SYN3: variants seen among roughly 807,000 people sequenced by gnomAD.
SYN3 encodes synapsin III, also known as synapsin-3.
A neutral mutation model predicts 65.8 loss-of-function variants in SYN3; 35 were observed. That is an observed-to-expected ratio of 0.53 (90% CI 0.41 to 0.70). SYN3 has a LOEUF of 0.70. Among genes scored for constraint, SYN3 ranks in the 30% least tolerant of loss-of-function variants. The pLI, the probability that SYN3 is intolerant of heterozygous loss-of-function variation, is 0.00. For synonymous variants in SYN3, 270 were observed against 292.9 expected (o/e 0.92, Z 0.80); for missense variants, 680 against 749.0 (o/e 0.91, Z 1.08).
At chr22:32,798,178 G>A (rs2046473795) in intron 6 of SYN3, among the ~76,000 whole-genome samples, 1 of 152,186 alleles carries the variant, frequency 6.6e-6, no homozygotes, top group Non-Finnish European at 1.5e-5. Flanking sequence ...GATTGGCTCA[G>A]AGGGTGATTA....
In SYN3 at chr22:32,948,845, TTTTTTCATTAAATG is replaced by T. The variant is rs530534260; in HGVS notation, c.370-17378_370-17365del. On this transcript the variant is annotated intron_variant, in intron 3 of 13. Coordinates refer to ENST00000358763, the MANE Select transcript of SYN3 (RefSeq NM_003490.4). Reference sequence around the variant, plus strand: ...AAAATTTCCATTAAGTTTGGAAACATTTTTTCATTAAATGTTTTTCATTAAATGTCTAAAAAAAA... The same window carrying T: ...AAAATTTCCATTAAGTTTGGAAACATTTTTTCATTAAATGTCTAAAAAAAA... 4.9e-3 allele frequency among the ~76,000 whole-genome samples: 734 copies of T among 151,226 alleles called. 9 individuals carry two copies. The highest frequency in any genetic ancestry group is 0.029 in the Admixed American group (443 of 15,152).
At chr22:32,854,997 T>C (rs1303885150) in intron 6 of SYN3, among the ~76,000 whole-genome samples, 3 of 152,182 alleles carry the variant, frequency 2.0e-5, no homozygotes, top group Non-Finnish European at 2.9e-5. Context: ...GGGAGGCATT[T>C]AGAAGAGACA....
At chr22:32,772,895 A>AG (rs2045810801) in intron 6 of SYN3, among the ~76,000 whole-genome samples, 1 of 152,190 alleles carries the variant, frequency 6.6e-6, no homozygotes. Flanking sequence ...TAACTGCGAG[A>AG]CAAAAAATCT....
chr22:32,518,860 A>G (rs1208180639), intron 12 of SYN3, among the ~76,000 whole-genome samples: 1 of 152,170 alleles, frequency 6.6e-6, no homozygotes, highest in Non-Finnish European at 1.5e-5. Context: ...CTAACCCTCA[A>G]TGCAATTCTA....
intron 6 of SYN3, among the ~76,000 whole-genome samples, chr22:32,653,122 A>C (rs1316275517): frequency 6.6e-6 from 1 of 152,178 alleles, no homozygotes; most frequent in East Asian, 1.9e-4. Flanking sequence ...TCCCAGAATG[A>C]CTTAATGATT....
At chr22:32,522,016 T>G (rs1174643565) in intron 12 of SYN3, among the ~76,000 whole-genome samples, 3 of 152,222 alleles carry the variant, frequency 2.0e-5, no homozygotes, top group African/African-American at 7.2e-5. Flanking sequence ...TAGTTATTTC[T>G]TTCGGCTTCT....
At chr22:32,810,435 G>A (rs994270622) in intron 6 of SYN3, among the ~76,000 whole-genome samples, 1 of 151,902 alleles carries the variant, frequency 6.6e-6, no homozygotes, top group Non-Finnish European at 1.5e-5. Context: ...TTGTGGGGGT[G>A]GGGAAGGGAA....
chr22:32,960,727 AC>A (rs2051621717), intron 3 of SYN3, among the ~76,000 whole-genome samples: 1 of 152,142 alleles, frequency 6.6e-6, no homozygotes, highest in South Asian at 2.1e-4. Flanking sequence ...AAAGCCTGGG[AC>A]ACACTGACCA....
chr22:32,636,822 C>A (rs1405819743), intron 6 of SYN3, among the ~76,000 whole-genome samples: 1 of 152,250 alleles, frequency 6.6e-6, no homozygotes, highest in South Asian at 2.1e-4. Flanking sequence ...TCGCTCAACT[C>A]TTCTGGGTTT....
intron 7 of SYN3, among the ~76,000 whole-genome samples, chr22:32,582,530 A>G (rs2058963969): frequency 6.6e-6 from 1 of 150,790 alleles, no homozygotes; most frequent in African/African-American, 2.4e-5. Flanking sequence ...TTATTTATTT[A>G]TTTATTTAAT....
Position 32,533,792 on chromosome 22 carries a change from C to T in SYN3, c.1095+1G>A. 6.2e-7 allele frequency: 1 copy of T among 1,610,554 alleles called. No individual in the cohort carries two copies. The highest frequency in any genetic ancestry group is 1.3e-5 in the African/African-American group (1 of 75,016). On this transcript the variant is annotated splice_donor_variant, in intron 10 of 13. Coordinates refer to ENST00000358763, the MANE Select transcript of SYN3 (RefSeq NM_003490.4). LOFTEE classifies it high-confidence loss of function. Reference sequence around the variant, plus strand: ...GGAGGACTCCCTGCTTCATCCCTCACCTCGATGATGTAATCTCTGCCATCC... The same window carrying T: ...GGAGGACTCCCTGCTTCATCCCTCATCTCGATGATGTAATCTCTGCCATCC...
chr22:33,033,622 C>A (rs904743408), intron 1 of SYN3, among the ~76,000 whole-genome samples: 3 of 152,166 alleles, frequency 2.0e-5, no homozygotes, highest in Non-Finnish European at 2.9e-5. Context: ...GCACACAGAA[C>A]TCACAAGGGG....
chr22:33,024,217 G>C (rs2053604315), intron 1 of SYN3, among the ~76,000 whole-genome samples: 1 of 152,196 alleles, frequency 6.6e-6, no homozygotes, highest in Admixed American at 6.5e-5. Flanking sequence ...ACTGGGTATG[G>C]TGGAGTGCAA....
intron 7 of SYN3, among the ~76,000 whole-genome samples, chr22:32,574,030 G>A (rs936935004): frequency 2.0e-5 from 3 of 151,062 alleles, no homozygotes; most frequent in Admixed American, 6.6e-5. Context: ...CTCCCGCCTC[G>A]GCCCCTCAAA....
intron 6 of SYN3, among the ~76,000 whole-genome samples, chr22:32,622,901 G>A (rs2059615104): frequency 6.6e-6 from 1 of 152,050 alleles, no homozygotes; most frequent in South Asian, 2.1e-4. Flanking sequence ...TGAAGCCCAG[G>A]GAGGGGACAT....
chr22:32,602,698 G>A (rs2059302726), intron 6 of SYN3, among the ~76,000 whole-genome samples: 1 of 152,178 alleles, frequency 6.6e-6, no homozygotes, highest in African/African-American at 2.4e-5. Flanking sequence ...CTGACCTTGT[G>A]ATCCGCTTGC....
At chr22:32,621,967 G>A (rs965752) in intron 6 of SYN3, among the ~76,000 whole-genome samples, 3,201 of 151,902 alleles carry the variant, frequency 0.021, 42 homozygotes, top group Non-Finnish European at 0.034. Flanking sequence ...TGACAGATAG[G>A]TATAACTCCT....
chr22:32,872,461 C>T (rs750465331), intron 4 of SYN3, among the ~76,000 whole-genome samples: 17 of 152,082 alleles, frequency 1.1e-4, no homozygotes, highest in Non-Finnish European at 2.2e-4. Flanking sequence ...AGTAACACCA[C>T]GAAGAAATTC....
At chr22:32,965,925 A>G (rs900869496) in intron 3 of SYN3, among the ~76,000 whole-genome samples, 1 of 151,994 alleles carries the variant, frequency 6.6e-6, no homozygotes, top group African/African-American at 2.4e-5. Context: ...CGATCTCCTG[A>G]CCTTGTGATC....
Sources: gnomAD v4.1 joint callset for allele counts (sites outside exome capture counted in the v4.1 genomes callset) on GRCh38, gnomAD v4.1.1 for gene constraint, MANE v1.5 for transcripts, NCBI Gene and HGNC (gene_info 2026-07-23, HGNC 2026-07-21) for gene names.